Variants in ASB11 observed in about 807,000 individuals in gnomAD.
The protein encoded by ASB11 is ankyrin repeat and SOCS box protein 11.
A neutral mutation model predicts 20.1 loss-of-function variants in ASB11; 17 were observed. The ratio of observed to expected loss-of-function variants is 0.85; its 90% CI spans 0.58 to 1.27. The LOEUF is 1.27. ASB11 is among the 50% of genes most tolerant of loss of function. The pLI is 0.00. For missense variants in ASB11, 259 were observed against 256.9 expected (o/e 1.01, Z -0.06); for synonymous variants, 107 against 105.6 (o/e 1.01, Z -0.08).
intron 6 of ASB11, among the ~76,000 whole-genome samples, chrX:15,287,230 T>G (rs1317764577): frequency 1.8e-5 from 2 of 112,895 alleles, no homozygotes; most frequent in Admixed American, 1.9e-4. Context: ...TCAGATTGTC[T>G]CCCAATATTA....
chrX:15,307,218 C>A (rs1301205680), intron 1 of ASB11, among the ~76,000 whole-genome samples: 1 of 112,356 alleles, frequency 8.9e-6, no homozygotes, highest in Admixed American at 9.4e-5. Context: ...CCATTAGACT[C>A]AAGTCATATA....
At chrX:15,305,494 T>C (rs745384395) in intron 1 of ASB11, among the ~76,000 whole-genome samples, 1 of 111,254 alleles carries the variant, frequency 9.0e-6, no homozygotes, top group East Asian at 2.8e-4. Context: ...TAAACATGAA[T>C]GGAGTCTCTG....
In ASB11 at chrX:15,283,315, G is replaced by A. The variant is rs1238228439; in HGVS notation, c.*190C>T. The A allele has an allele frequency of 4.2e-6, 2 of 473,005 alleles. No homozygotes were observed. The highest frequency in any genetic ancestry group is 6.7e-6 in the Non-Finnish European group (2 of 296,741). 39.0% of individuals were successfully genotyped at this position (473,005 alleles called of 1,213,427 possible). A position where few individuals can be genotyped will look rare whatever the true frequency, so the allele number is the denominator to read the frequency against. On this transcript the variant is annotated 3_prime_UTR_variant, in exon 7 of 7. Transcript: ENST00000480796. ...GCTAAATGGTTTCTACTTGCCCCTTGGTTAATGAGAACATTAAACTAACCA... is the reference window on the plus strand; with the variant it reads ...GCTAAATGGTTTCTACTTGCCCCTTAGTTAATGAGAACATTAAACTAACCA...
intron 6 of ASB11, among the ~76,000 whole-genome samples, chrX:15,284,251 C>CAAAA (rs60542067): frequency 1.2e-4 from 9 of 72,233 alleles, no homozygotes; most frequent in African/African-American, 2.3e-4. Flanking sequence ...GACTCCGCCT[C>CAAAA]AAAAAAAAAA....
chrX:15,301,030 C>T (rs964311363), intron 2 of ASB11, among the ~76,000 whole-genome samples: 13 of 111,344 alleles, frequency 1.2e-4, no homozygotes, highest in African/African-American at 3.9e-4. Flanking sequence ...GACGCGATCT[C>T]GGTTCACTGC....
intron 1 of ASB11, among the ~76,000 whole-genome samples, chrX:15,313,811 C>T (rs933645538): frequency 3.6e-5 from 4 of 110,561 alleles, no homozygotes; most frequent in South Asian, 7.5e-4. Context: ...CAGCACTTTG[C>T]GAGGCCGAGG....
chrX:15,293,049 C>A, intron 4 of ASB11, 121 bp downstream of exon 4: 1 of 931,442 alleles, frequency 1.1e-6, no homozygotes, highest in Non-Finnish European at 1.4e-6. Context: ...TTCTAGGCCA[C>A]ACATATTCTA....
intron 2 of ASB11, 86 bp downstream of exon 2, chrX:15,302,642 C>G (rs181651373): frequency 3.4e-4 from 333 of 979,572 alleles, no homozygotes; most frequent in Non-Finnish European, 4.0e-4. Context: ...ATAGGGTGAG[C>G]CACACCTCTG....
In ASB11 at chrX:15,283,596, C is replaced by T. The variant is rs745924749; in HGVS notation, c.881G>A (p.Cys294Tyr). ...PPALSQLCRL[C>Y]VRKCLGRACH... ...TGCTCGACCGAGACACTTCCGGACA[C>T]ACAGGCGGCAGAGCTGGGAAAGAGC... The change falls in exon 7 of 7, where the codon TGT (cysteine) becomes TAT (tyrosine). Residue 294 changes from cysteine to tyrosine, a missense_variant. By Grantham distance (194) the Cys-to-Tyr change is radical. Coordinates refer to ENST00000480796, the MANE Select transcript of ASB11 (RefSeq NM_080873.3). 2.5e-6 allele frequency: 3 copies of T among 1,209,366 alleles called. No individual in the cohort carries two copies. In the Admixed American group the frequency reaches 6.5e-5, roughly 26 times the overall value.
chrX:15,298,963 A>AACACATTCTCCC (rs1199665733), intron 2 of ASB11, among the ~76,000 whole-genome samples: 1 of 110,721 alleles, frequency 9.0e-6, no homozygotes, highest in Admixed American at 9.7e-5. Context: ...ACCCTGTCCT[A>AACACATTCTCCC]ACACATTCTC....
chrX:15,284,076 C>CCA lies in ASB11; in HGVS notation c.848-448_848-447insTG, dbSNP rs563912588. Among the ~76,000 whole-genome samples, 25 of 105,831 alleles carry CCA rather than the reference C, an allele frequency of 2.4e-4. No individual in the cohort carries two copies. In the South Asian group the frequency reaches 0.011, roughly 45 times the overall value. 91.9% of individuals were successfully genotyped at this position (105,831 alleles called of 115,157 possible). Reference sequence around the variant, plus strand: ...GACCATCCTGGCTAACACGGTGAAACCCCGTGTCCACTAAAAATACAAAAA... The same window carrying CCA: ...GACCATCCTGGCTAACACGGTGAAACCACCCGTGTCCACTAAAAATACAAAAA... On this transcript the variant is annotated intron_variant, in intron 6 of 6. Transcript: ENST00000480796.
intron 1 of ASB11, among the ~76,000 whole-genome samples, chrX:15,312,661 G>A (rs1394000087): frequency 9.0e-6 from 1 of 111,569 alleles, no homozygotes; most frequent in Non-Finnish European, 1.9e-5. Flanking sequence ...ACCTTGGGCT[G>A]GGACTTTTGT....
In ASB11 at chrX:15,282,038, G is replaced by T. The variant is rs1927196003; in HGVS notation, c.*1467C>A. The T allele has an allele frequency of 9.0e-6, 1 of 111,252 alleles. No individual in the cohort carries two copies. The highest frequency in any genetic ancestry group is 3.3e-5 in the African/African-American group (1 of 30,569). The allele number at this position is 111,252 out of a possible 1,213,427, so 9.2% of individuals were successfully genotyped here. A position where few individuals can be genotyped will look rare whatever the true frequency, so the allele number is the denominator to read the frequency against. On this transcript the variant is annotated 3_prime_UTR_variant, in exon 7 of 7. Coordinates refer to ENST00000480796, the MANE Select transcript of ASB11 (RefSeq NM_080873.3). Reference sequence around the variant, plus strand: ...GTTGCTGGCTCCTGTGCACTGTAGGGTGATTAGCTGCATCCCTGATCTCCA... The same window carrying T: ...GTTGCTGGCTCCTGTGCACTGTAGGTTGATTAGCTGCATCCCTGATCTCCA...
In ASB11 at chrX:15,283,339, C is replaced by G. The variant is rs1022230789; in HGVS notation, c.*166G>C. On this transcript the variant is annotated 3_prime_UTR_variant, in exon 7 of 7. Transcript: ENST00000480796. ...TGGTTAATGAGAACATTAAACTAAC[C>G]AGGAGTTTCCACTCCTCAAGTGTTC... 7.8e-6 allele frequency: 5 copies of G among 639,586 alleles called. No individual in the cohort carries two copies. The Admixed American group carries it at 1.5e-4, about 19-fold the overall frequency. The allele number at this position is 639,586 out of a possible 1,213,427, so 52.7% of individuals were successfully genotyped here. A position where few individuals can be genotyped will look rare whatever the true frequency, so the allele number is the denominator to read the frequency against.
intron 6 of ASB11, among the ~76,000 whole-genome samples, chrX:15,284,088 T>TA (rs1207885998): frequency 5.7e-5 from 6 of 105,573 alleles, no homozygotes; most frequent in South Asian, 4.2e-4. Flanking sequence ...CCGTGTCCAC[T>TA]AAAAATACAA....
chrX:15,294,336 C>A (rs909754504), intron 3 of ASB11, among the ~76,000 whole-genome samples: 3 of 112,190 alleles, frequency 2.7e-5, no homozygotes, highest in African/African-American at 9.7e-5. Context: ...TTCTAAATGT[C>A]CTTGCTTTGG....
chrX:15,299,582 G>T (rs190967675), intron 2 of ASB11, among the ~76,000 whole-genome samples: 1 of 110,970 alleles, frequency 9.0e-6, no homozygotes. Context: ...TTAAATTCTG[G>T]TCATCTTTTC....
intron 1 of ASB11, among the ~76,000 whole-genome samples, chrX:15,314,044 C>G (rs186992638): frequency 1.4e-3 from 121 of 84,580 alleles, no homozygotes; most frequent in Non-Finnish European, 1.5e-3. Flanking sequence ...GGCTACAGAG[C>G]GAGACTCCAT....
At chrX:15,297,283 C>T (rs1172655878) in intron 3 of ASB11, among the ~76,000 whole-genome samples, 4 of 110,303 alleles carry the variant, frequency 3.6e-5, no homozygotes, top group Non-Finnish European at 5.7e-5. Context: ...AGTGAGACTC[C>T]GTCTCAAAAA....
Sources: gnomAD v4.1 joint callset for allele counts (sites outside exome capture counted in the v4.1 genomes callset) on GRCh38, gnomAD v4.1.1 for gene constraint, MANE v1.5 for transcripts, NCBI Gene and HGNC (gene_info 2026-07-23, HGNC 2026-07-21) for gene names.